PLA2G12B: variants seen among roughly 807,000 people sequenced by gnomAD.
The protein encoded by PLA2G12B is phospholipase A2 group XIIB.
A neutral mutation model predicts 22.3 loss-of-function variants in PLA2G12B; 19 were observed. The observed-to-expected ratio is 0.85, with a 90% CI of 0.60 to 1.25. PLA2G12B has a LOEUF of 1.25. Among genes scored for constraint, PLA2G12B ranks in the 50% most tolerant of loss-of-function variants. The pLI is 0.00. For missense variants in PLA2G12B, 191 were observed against 246.6 expected (o/e 0.77, Z 1.51); for synonymous variants, 81 against 94.9 (o/e 0.85, Z 0.85).
chr10:72,942,149 G>GGTGTGT (rs34740594), intron 2 of PLA2G12B, among the ~76,000 whole-genome samples: 6,566 of 135,954 alleles, frequency 0.048, 287 homozygotes, highest in East Asian at 0.16. Context: ...CAGGGCGTCG[G>GGTGTGT]GTGTGTGTGT....
In PLA2G12B at chr10:72,954,513, C is replaced by T; in HGVS notation, c.173G>A (p.Gly58Glu). The stretch of plus-strand genomic sequence containing the variant: ...GTACTGACAGACTCCATTCTTCCCT[C>T]CCAGCAGCTCCAGAAAAGAATCGAA... Reference protein sequence around the residue: ...SYFDSFLELLGGKNGVCQYRC... With the variant: ...SYFDSFLELLEGKNGVCQYRC... The change falls in exon 1 of 4, where the codon GGA becomes GAA. Residue 58 changes from glycine to glutamate, a missense_variant. Coordinates refer to ENST00000373032, the MANE Select transcript of PLA2G12B (RefSeq NM_032562.5). 6.2e-7 allele frequency: 1 copy of T among 1,614,228 alleles called. No individual in the cohort carries two copies. The highest frequency in any genetic ancestry group is 8.5e-7 in the Non-Finnish European group (1 of 1,180,048).
rs1221340863 is a variant in PLA2G12B at position 72,952,582 on chromosome 10, C to A, written c.211+1893G>T. Among the ~76,000 whole-genome samples, 69 of 152,160 alleles carry A rather than the reference C, an allele frequency of 4.5e-4. 1 individual carries two copies. The highest frequency in any genetic ancestry group is 4.5e-3 in the Admixed American group (68 of 15,266). ...AAAGCAAACTACAAAAGAGCAGACTCGTTGTTAGGTGTTGTCTGTTCAAAA... is the reference window on the plus strand; with the variant it reads ...AAAGCAAACTACAAAAGAGCAGACTAGTTGTTAGGTGTTGTCTGTTCAAAA... On this transcript the variant is annotated intron_variant, in intron 1 of 3. Coordinates refer to ENST00000373032, the MANE Select transcript of PLA2G12B (RefSeq NM_032562.5).
intron 3 of PLA2G12B, among the ~76,000 whole-genome samples, chr10:72,936,938 C>T (rs1044170366): frequency 7.2e-5 from 11 of 152,208 alleles, no homozygotes; most frequent in Non-Finnish European, 7.3e-5. Flanking sequence ...CGGTGGCTTA[C>T]GCCTGTAATC....
chr10:72,948,141 G>T (rs898004113), intron 1 of PLA2G12B, among the ~76,000 whole-genome samples: 12 of 152,194 alleles, frequency 7.9e-5, no homozygotes, highest in African/African-American at 1.2e-4. Flanking sequence ...CTCCCAAAGT[G>T]CTGGGGTTAC....
intron 3 of PLA2G12B, among the ~76,000 whole-genome samples, chr10:72,940,026 C>T (rs1247136586): frequency 6.6e-6 from 1 of 152,200 alleles, no homozygotes; most frequent in Non-Finnish European, 1.5e-5. Flanking sequence ...ACATTGCTTG[C>T]AGGAAGTAAC....
rs531791398 is a variant in PLA2G12B, at chr10:72,942,745, C to G, written c.212-5G>C. ...GTCTGGGCATTGGTGCCTTTCCTTG[C>G]AGGAGGAAGAAAGGAAAGAAGCAAG... On this transcript the variant is annotated splice_region_variant and splice_polypyrimidine_tract_variant and intron_variant, in intron 1 of 3. Coordinates refer to ENST00000373032, the MANE Select transcript of PLA2G12B (RefSeq NM_032562.5). 2 of 1,587,600 alleles carry G rather than the reference C, an allele frequency of 1.3e-6. No homozygotes were observed. Among genetic ancestry groups the G allele is most frequent in the Admixed American group, 1.8e-5 (1 of 56,412 alleles).
intron 3 of PLA2G12B, among the ~76,000 whole-genome samples, chr10:72,937,038 T>G (rs192563551): frequency 6.6e-6 from 1 of 152,104 alleles, no homozygotes; most frequent in East Asian, 1.9e-4. Flanking sequence ...GGTGAAACCT[T>G]GTCTCTACTA....
At chr10:72,948,179 G>A (rs962701117) in intron 1 of PLA2G12B, among the ~76,000 whole-genome samples, 1 of 152,136 alleles carries the variant, frequency 6.6e-6, no homozygotes, top group Non-Finnish European at 1.5e-5. Flanking sequence ...CCCAGCCAGA[G>A]AGTGAAACAT....
In PLA2G12B at chr10:72,941,150, G is replaced by A. The variant is rs748669155; in HGVS notation, c.466+19C>T. 2.1e-5 allele frequency: 34 copies of A among 1,611,698 alleles called. No homozygotes were observed. Among genetic ancestry groups the A allele is most frequent in the South Asian group, 1.9e-4 (17 of 90,964 alleles). On this transcript the variant is annotated intron_variant, in intron 3 of 3. Transcript: ENST00000373032. ...GAACAAACCTCCCTGTGCACTGTAC[G>A]TGCCATTGAGACACCTACCTTCCAC...
chr10:72,935,841 A>G, intron 3 of PLA2G12B, 103 bp from the exon 4 acceptor site: 1 of 1,384,510 alleles, frequency 7.2e-7, no homozygotes, highest in Non-Finnish European at 9.8e-7. Context: ...ACAGTAATCC[A>G]AATACAGAAT....
At chr10:72,944,046 A>T (rs1846403700) in intron 1 of PLA2G12B, among the ~76,000 whole-genome samples, 46 of 111,916 alleles carry the variant, frequency 4.1e-4, no homozygotes, top group Admixed American at 1.1e-3. Flanking sequence ...CTTCCTTCCC[A>T]CCTTCTTTCC....
At chr10:72,938,127 A>AAAG (rs1049402651) in intron 3 of PLA2G12B, among the ~76,000 whole-genome samples, 2 of 151,728 alleles carry the variant, frequency 1.3e-5, no homozygotes, top group African/African-American at 4.8e-5. Flanking sequence ...AAAAAAAAAA[A>AAAG]AAAGAAAGAA....
chr10:72,954,257 G>A (rs1050935480), intron 1 of PLA2G12B, among the ~76,000 whole-genome samples: 1 of 152,172 alleles, frequency 6.6e-6, no homozygotes, highest in Non-Finnish European at 1.5e-5. Context: ...GTCAGGATAA[G>A]TATGTCCCAG....
Position 72,935,816 on chromosome 10 carries a change from C to CAGA in PLA2G12B, c.467-81_467-79dup. ...GTATTTCCAGGCATGACATGATACC[C>CAGA]AGAGGAAAGTAGAGACAGTAATCCA... On this transcript the variant is annotated intron_variant, in intron 3 of 3. Transcript: ENST00000373032. 5.3e-6 allele frequency: 8 copies of CAGA among 1,502,418 alleles called. No homozygotes were observed. In the South Asian group the frequency reaches 1.0e-4, roughly 19 times the overall value. The allele number at this position is 1,502,418 out of a possible 1,614,324, so 93.1% of individuals were successfully genotyped here.
intron 1 of PLA2G12B, among the ~76,000 whole-genome samples, chr10:72,944,609 G>A (rs1470857163): frequency 6.6e-6 from 1 of 152,156 alleles, no homozygotes; most frequent in Non-Finnish European, 1.5e-5. Context: ...CTTTCTGTAT[G>A]TCATTCAACA....
At chr10:72,939,597 T>C (rs748486367) in intron 3 of PLA2G12B, among the ~76,000 whole-genome samples, 1 of 151,608 alleles carries the variant, frequency 6.6e-6, no homozygotes, top group Non-Finnish European at 1.5e-5. Context: ...TGATAAAAAC[T>C]AGAAACAAGC....
chr10:72,941,547 G>A (rs1377310487), intron 2 of PLA2G12B, among the ~76,000 whole-genome samples: 1 of 152,198 alleles, frequency 6.6e-6, no homozygotes, highest in Admixed American at 6.5e-5. Context: ...AGTTCAGTAA[G>A]TGATTCTGGC....
At position 72,941,197 on chromosome 10, in the gene PLA2G12B, C is replaced by T; in HGVS notation, c.438G>A (p.Arg146=). The T allele has an allele frequency of 2.5e-6, 4 of 1,614,062 alleles. No homozygotes were observed. Among genetic ancestry groups the T allele is most frequent in the Non-Finnish European group, 3.4e-6 (4 of 1,180,000 alleles). ...CLHSICSDLK[R]SLGFVSKVEA... Reference sequence around the variant, plus strand: ...CCACTTTGGAGACAAAGCCCAGACTCCGCTTAAGGTCAGAGCAGATCGAGT... The same window carrying T: ...CCACTTTGGAGACAAAGCCCAGACTTCGCTTAAGGTCAGAGCAGATCGAGT... Residue 146 remains arginine, a synonymous_variant, in exon 3 of 4, where the codon CGG becomes CGA. Coordinates refer to ENST00000373032, the MANE Select transcript of PLA2G12B (RefSeq NM_032562.5).
chr10:72,941,356 G>C, intron 2 of PLA2G12B, 22 bp from the exon 3 acceptor site: 1 of 1,607,036 alleles, frequency 6.2e-7, no homozygotes, highest in South Asian at 1.1e-5. Flanking sequence ...TGAAGGAAGG[G>C]AAAAGAAGGG....
Sources: gnomAD v4.1 joint callset for allele counts (sites outside exome capture counted in the v4.1 genomes callset) on GRCh38, gnomAD v4.1.1 for gene constraint, MANE v1.5 for transcripts, NCBI Gene and HGNC (gene_info 2026-07-23, HGNC 2026-07-21) for gene names.